Variants in FREM2 observed in about 807,000 individuals in gnomAD.
FREM2 encodes FRAS1 related extracellular matrix 2.
A neutral mutation model predicts 219.9 loss-of-function variants in FREM2; 119 were observed. That is an observed-to-expected ratio of 0.54 (90% confidence interval 0.47 to 0.63). The LOEUF (loss-of-function observed/expected upper bound fraction) is 0.63, where lower values mean the gene tolerates loss of function less well. FREM2 is among the 30% of genes least tolerant of loss of function. The probability of loss-of-function intolerance (pLI) is 0.00; values close to 1 mark genes in which losing one functional copy is unlikely to be tolerated. For missense variants in FREM2, 4,030 were observed against 3,993.6 expected (o/e 1.01, Z -0.25); for synonymous variants, 1,562 against 1,522.8 (o/e 1.03, Z -0.60).
chr13:38,723,551 G>A (rs897405190), intron 2 of FREM2, among the ~76,000 whole-genome samples: 5 of 152,086 alleles, frequency 3.3e-5, no homozygotes, highest in Non-Finnish European at 5.9e-5. Flanking sequence ...TCCTTGCTGT[G>A]GGGGGTGCAT....
chr13:38,863,567 A>G (rs1467737886), intron 15 of FREM2, among the ~76,000 whole-genome samples: 3 of 149,722 alleles, frequency 2.0e-5, no homozygotes, highest in African/African-American at 7.4e-5. Flanking sequence ...CAAAAAAATG[A>G]TGAGTGGCAC....
intron 6 of FREM2, among the ~76,000 whole-genome samples, chr13:38,823,822 A>G (rs182126058): frequency 2.0e-5 from 3 of 152,242 alleles, no homozygotes; most frequent in Non-Finnish European, 4.4e-5. Flanking sequence ...AGGGGACAGC[A>G]GTAATATGGA....
At position 38,829,793 on chromosome 13, in the gene FREM2, A is replaced by G. The variant is rs552025138; in HGVS notation, c.6020-16780A>G. ...ATAGATAGTGTCTGGAAACTGAAAGACACAAACGGAATACACAGGTTTGGA... is the reference window on the plus strand; with the variant it reads ...ATAGATAGTGTCTGGAAACTGAAAGGCACAAACGGAATACACAGGTTTGGA... On this transcript the variant is annotated intron_variant, in intron 6 of 23. Coordinates refer to ENST00000280481, the MANE Select transcript of FREM2 (RefSeq NM_207361.6). 2.6e-5 allele frequency among the ~76,000 whole-genome samples: 4 copies of G among 152,160 alleles called. No homozygotes were observed. The South Asian group carries it at 8.3e-4, about 32-fold the overall frequency.
At chr13:38,713,559 C>T (rs1380311326) in intron 2 of FREM2, among the ~76,000 whole-genome samples, 1 of 152,122 alleles carries the variant, frequency 6.6e-6, no homozygotes, top group African/African-American at 2.4e-5. Context: ...GATTTAAGGC[C>T]AGCCATTCTA....
At chr13:38,869,784 TGG>T (rs1340061119) in intron 16 of FREM2, among the ~76,000 whole-genome samples, 1 of 152,178 alleles carries the variant, frequency 6.6e-6, no homozygotes, top group East Asian at 1.9e-4. Context: ...AGATGCAAAA[TGG>T]TTATTAAAGT....
At chr13:38,839,932 C>T (rs1876881929) in intron 6 of FREM2, among the ~76,000 whole-genome samples, 1 of 152,142 alleles carries the variant, frequency 6.6e-6, no homozygotes, top group African/African-American at 2.4e-5. Context: ...CACTTGGCTC[C>T]CTGGCTTCAG....
At chr13:38,737,321 A>T (rs1262392999) in intron 2 of FREM2, among the ~76,000 whole-genome samples, 1 of 152,214 alleles carries the variant, frequency 6.6e-6, no homozygotes, top group Non-Finnish European at 1.5e-5. Flanking sequence ...AGATGGATGG[A>T]GTGCACATGT....
At chr13:38,741,365 AATCAGTAT>A (rs1380300372) in intron 2 of FREM2, among the ~76,000 whole-genome samples, 1 of 152,194 alleles carries the variant, frequency 6.6e-6, no homozygotes, top group Non-Finnish European at 1.5e-5. Flanking sequence ...ATATGGAAGA[AATCAGTAT>A]ATCCAGCAAG....
intron 2 of FREM2, among the ~76,000 whole-genome samples, chr13:38,734,738 CTTTTTT>C (rs11314517): frequency 5.4e-4 from 48 of 89,390 alleles, no homozygotes; most frequent in South Asian, 3.5e-3. Flanking sequence ...CAGTGCTATA[CTTTTTT>C]TTTTTTTTTT....
intron 2 of FREM2, among the ~76,000 whole-genome samples, chr13:38,751,294 C>T (rs1343652743): frequency 1.3e-5 from 2 of 151,432 alleles, no homozygotes; most frequent in Non-Finnish European, 2.9e-5. Context: ...TTCTCCACAT[C>T]CTTGCCAACA....
chr13:38,749,684 A>G (rs1403463006), intron 2 of FREM2, among the ~76,000 whole-genome samples: 1 of 150,932 alleles, frequency 6.6e-6, no homozygotes, highest in Admixed American at 6.6e-5. Flanking sequence ...CTTGCCCTTC[A>G]CCCCCTCCCC....
chr13:38,694,951 A>T (rs1321698632), intron 1 of FREM2, among the ~76,000 whole-genome samples: 1 of 152,184 alleles, frequency 6.6e-6, no homozygotes, highest in Non-Finnish European at 1.5e-5. Context: ...AAAGAGTTTG[A>T]ACCAGATGTG....
intron 3 of FREM2, among the ~76,000 whole-genome samples, chr13:38,768,426 G>A (rs892616734): frequency 1.1e-4 from 16 of 151,914 alleles, no homozygotes; most frequent in Admixed American, 2.6e-4. Context: ...ACAGGCATGC[G>A]CCACCACACC....
At chr13:38,772,217 A>T (rs2137817653) in intron 4 of FREM2, among the ~76,000 whole-genome samples, 1 of 152,310 alleles carries the variant, frequency 6.6e-6, no homozygotes, top group South Asian at 2.1e-4. Context: ...TATCCAGCTC[A>T]TATTTGTGCT....
intron 6 of FREM2, among the ~76,000 whole-genome samples, chr13:38,807,305 G>A (rs1875286094): frequency 6.9e-6 from 1 of 145,054 alleles, no homozygotes; most frequent in African/African-American, 2.5e-5. Flanking sequence ...AAACTCCTGG[G>A]CTCAAGCAAT....
intron 4 of FREM2, among the ~76,000 whole-genome samples, chr13:38,771,689 C>T (rs1873666886): frequency 6.6e-6 from 1 of 151,920 alleles, no homozygotes; most frequent in South Asian, 2.1e-4. Context: ...AAAATTCAGC[C>T]CTGTTTATTT....
chr13:38,715,767 G>A (rs1024764702), intron 2 of FREM2, among the ~76,000 whole-genome samples: 5 of 151,832 alleles, frequency 3.3e-5, no homozygotes, highest in African/African-American at 1.2e-4. Flanking sequence ...TCCTATCTTG[G>A]CCATTTATTT....
In FREM2 at chr13:38,861,545, C is replaced by T. The variant is rs781445521; in HGVS notation, c.7634C>T (p.Thr2545Ile). The T allele has an allele frequency of 5.6e-6, 9 of 1,613,918 alleles. No homozygotes were observed. The highest frequency in any genetic ancestry group is 1.6e-4 in the Middle Eastern group (1 of 6,062). Residue 2545 changes from threonine to isoleucine, a missense_variant, in exon 15 of 24, where the codon ACA becomes ATA. By Grantham distance (89) the Thr-to-Ile change is moderately conservative. Transcript: ENST00000280481. ...ACAAACCTTATCAAGCTCACTGTCA[C>T]AATGCCACACATAGATGGTAGGTGA... The part of the protein sequence containing the change: ...DYTNLIKLTV[T>I]MPHIDGMLPV...
chr13:38,846,985 A>G (rs1484152928), intron 7 of FREM2, among the ~76,000 whole-genome samples: 1 of 152,114 alleles, frequency 6.6e-6, no homozygotes, highest in Non-Finnish European at 1.5e-5. Context: ...ATTTCCATGA[A>G]GTGGTTCTCT....
Sources: allele counts gnomAD v4.1 joint callset (sites outside exome capture counted in the v4.1 genomes callset), GRCh38; gene constraint gnomAD v4.1.1; transcripts MANE v1.5; gene names NCBI Gene and HGNC (gene_info 2026-07-23, HGNC 2026-07-21).